Variants in PARD3B observed in about 807,000 individuals in gnomAD.
The protein encoded by PARD3B is par-3 family cell polarity regulator beta, also known as partitioning defective 3 homolog B.
A neutral mutation model predicts 130.2 loss-of-function variants in PARD3B; 103 were observed. The observed-to-expected ratio is 0.79, with a 90% CI of 0.67 to 0.93. The LOEUF (loss-of-function observed/expected upper bound fraction) is 0.93, where lower values mean the gene tolerates loss of function less well. Ranked by LOEUF, PARD3B falls within the 40% of genes least tolerant of loss-of-function variation. The pLI, the probability that PARD3B is intolerant of heterozygous loss-of-function variation, is 0.00. For synonymous variants in PARD3B, 583 were observed against 553.2 expected (o/e 1.05, Z -0.76); for missense variants, 1,609 against 1,499.2 (o/e 1.07, Z -1.21).
intron 18 of PARD3B, among the ~76,000 whole-genome samples, chr2:205,356,015 G>A (rs2044179748): frequency 6.6e-6 from 1 of 152,190 alleles, no homozygotes. Flanking sequence ...AATTCCAGAT[G>A]AGATTTGGGT....
At chr2:205,203,397 A>C (rs1446105846) in intron 15 of PARD3B, among the ~76,000 whole-genome samples, 1 of 140,350 alleles carries the variant, frequency 7.1e-6, no homozygotes, top group South Asian at 2.3e-4. Flanking sequence ...TTCACTTTTT[A>C]TTTTTTTACT....
At chr2:205,521,969 C>CTGA (rs1416093607) in intron 21 of PARD3B, among the ~76,000 whole-genome samples, 1 of 151,940 alleles carries the variant, frequency 6.6e-6, no homozygotes, top group African/African-American at 2.4e-5. Flanking sequence ...TTCAGCTTTT[C>CTGA]TGATAGATAC....
chr2:205,506,871 G>A (rs974965608), intron 21 of PARD3B, among the ~76,000 whole-genome samples: 7 of 152,128 alleles, frequency 4.6e-5, no homozygotes, highest in African/African-American at 1.7e-4. Context: ...AAATTTTGTT[G>A]ACTTATTTAA....
chr2:205,467,568 C>G (rs1314861349), intron 20 of PARD3B, among the ~76,000 whole-genome samples: 1 of 151,150 alleles, frequency 6.6e-6, no homozygotes, highest in African/African-American at 2.5e-5. Flanking sequence ...GATTTGTTCA[C>G]AATAATTATT....
chr2:205,335,655 A>T (rs1395337349), intron 18 of PARD3B, among the ~76,000 whole-genome samples: 1 of 150,480 alleles, frequency 6.6e-6, no homozygotes, highest in Non-Finnish European at 1.5e-5. Context: ...AAAAAAAAAG[A>T]GGTTCGATGG....
intron 20 of PARD3B, among the ~76,000 whole-genome samples, chr2:205,485,017 A>G (rs1010859245): frequency 1.3e-5 from 2 of 152,206 alleles, no homozygotes; most frequent in African/African-American, 4.8e-5. Flanking sequence ...TCAAGAAGAC[A>G]GCTGCAAATT....
At chr2:204,928,738 T>TAGCATTCTCCTCTGCTTC (rs1169767825) in intron 2 of PARD3B, among the ~76,000 whole-genome samples, 3 of 152,140 alleles carry the variant, frequency 2.0e-5, no homozygotes, top group Non-Finnish European at 4.4e-5. Flanking sequence ...CATGCTGATT[T>TAGCATTCTCCTCTGCTTC]AGCATTCTCC....
intron 2 of PARD3B, among the ~76,000 whole-genome samples, chr2:204,937,504 C>T (rs183364833): frequency 9.9e-5 from 15 of 152,258 alleles, no homozygotes; most frequent in African/African-American, 3.4e-4. Context: ...ACTCCAGGAT[C>T]GAGTAGCTTC....
At chr2:205,145,823 C>CGAA (rs2033311437) in intron 10 of PARD3B, among the ~76,000 whole-genome samples, 1 of 126,748 alleles carries the variant, frequency 7.9e-6, no homozygotes, top group African/African-American at 3.0e-5. Flanking sequence ...TCCAAGAAGT[C>CGAA]AAAAAAAAAA....
intron 1 of PARD3B, among the ~76,000 whole-genome samples, chr2:204,579,220 G>A (rs914987022): frequency 6.6e-6 from 1 of 152,062 alleles, no homozygotes; most frequent in African/African-American, 2.4e-5. Flanking sequence ...ACACTCTAGA[G>A]GTTTTAAGAT....
At chr2:204,914,103 G>A (rs1338508048) in intron 2 of PARD3B, among the ~76,000 whole-genome samples, 3 of 152,178 alleles carry the variant, frequency 2.0e-5, no homozygotes, top group East Asian at 1.9e-4. Flanking sequence ...ACAATGGGGC[G>A]GAGCCTTGGG....
chr2:205,080,151 T>C (rs73057151), intron 4 of PARD3B, among the ~76,000 whole-genome samples: 1,756 of 152,256 alleles, frequency 0.012, 39 homozygotes, highest in African/African-American at 0.04. Context: ...CTGATCACAG[T>C]TGCTGTTTTT....
chr2:205,191,102 C>T (rs1443726095), intron 14 of PARD3B, among the ~76,000 whole-genome samples: 2 of 144,082 alleles, frequency 1.4e-5, no homozygotes, highest in Admixed American at 1.4e-4. Flanking sequence ...GGCTACATAA[C>T]CCTAAAGAGA....
At chr2:204,874,809 A>G (rs1428228226) in intron 2 of PARD3B, among the ~76,000 whole-genome samples, 1 of 152,198 alleles carries the variant, frequency 6.6e-6, no homozygotes, top group Non-Finnish European at 1.5e-5. Flanking sequence ...TGGTTCTACA[A>G]GTGCATATAA....
At chr2:205,597,057 T>G (rs1362580597) in intron 22 of PARD3B, among the ~76,000 whole-genome samples, 1 of 152,080 alleles carries the variant, frequency 6.6e-6, no homozygotes, top group East Asian at 1.9e-4. Context: ...TTAATTTTTA[T>G]TATAGGTTCA....
intron 14 of PARD3B, among the ~76,000 whole-genome samples, chr2:205,188,329 G>A (rs1427372927): frequency 6.6e-6 from 1 of 152,212 alleles, no homozygotes; most frequent in Non-Finnish European, 1.5e-5. Context: ...TCTCAGGGAA[G>A]AATCAATGGG....
At chr2:205,339,777 G>A (rs1003111990) in intron 18 of PARD3B, among the ~76,000 whole-genome samples, 3 of 152,066 alleles carry the variant, frequency 2.0e-5, no homozygotes, top group Admixed American at 2.0e-4. Context: ...CAAGGACACC[G>A]ACCGGGATGG....
chr2:205,531,142 A>C (rs149873691), intron 21 of PARD3B, among the ~76,000 whole-genome samples: 1 of 152,314 alleles, frequency 6.6e-6, no homozygotes, highest in Middle Eastern at 3.4e-3. Flanking sequence ...GAAGGGACTC[A>C]GGTTTTTTTC....
chr2:205,176,379 T>C lies in PARD3B; in HGVS notation c.1792-66T>C. Reference sequence around the variant, plus strand: ...TTCATACAGCGATCATTCTTTCACTTTGCTTCAACTGACCAAGTTGGAACA... The same window carrying C: ...TTCATACAGCGATCATTCTTTCACTCTGCTTCAACTGACCAAGTTGGAACA... On this transcript the variant is annotated intron_variant, in intron 12 of 22. Coordinates refer to ENST00000406610, the MANE Select transcript of PARD3B (RefSeq NM_001302769.2). The surrounding 1 kb of genome is among the most constrained non-coding windows in gnomAD (Gnocchi z 5.3). 1.4e-6 allele frequency: 2 copies of C among 1,435,248 alleles called. No individual in the cohort carries two copies. The highest frequency in any genetic ancestry group is 2.7e-5 in the South Asian group (2 of 73,292). The allele number at this position is 1,435,248 out of a possible 1,614,324, so 88.9% of individuals were successfully genotyped here.
Sources: allele counts gnomAD v4.1 joint callset (sites outside exome capture counted in the v4.1 genomes callset), GRCh38; gene constraint gnomAD v4.1.1; non-coding constraint Gnocchi (gnomAD v3.1); transcripts MANE v1.5; gene names NCBI Gene and HGNC (gene_info 2026-07-23, HGNC 2026-07-21).